The following STK10 variants were observed in gnomAD, a reference collection of about 807,000 sequenced individuals.
STK10 encodes serine/threonine-protein kinase 10.
STK10 carries 78 observed loss-of-function variants against 113.8 expected under a neutral mutation model. The ratio of observed to expected loss-of-function variants is 0.69; its 90% CI spans 0.57 to 0.83. The LOEUF is 0.83. Ranked by LOEUF, STK10 falls within the 40% of genes least tolerant of loss-of-function variation. STK10 has a pLI of 0.00. For synonymous variants in STK10, 465 were observed against 494.7 expected (o/e 0.94, Z 0.80); for missense variants, 1,109 against 1,280.1 (o/e 0.87, Z 2.04).
In STK10 at chr5:172,093,334, C is replaced by T. The variant is rs1459926861; in HGVS notation, c.1554+78G>A. On this transcript the variant is annotated intron_variant, in intron 9 of 18. Transcript: ENST00000176763. The surrounding 1 kb of genome is among the most constrained non-coding windows in gnomAD (Gnocchi z 4.1). ...TAAAATGCAAGGAAGCCCCTAAATG[C>T]TTTTGAAACCAAAATGGAGCCACAG... 2 of 1,481,160 alleles carry T rather than the reference C, an allele frequency of 1.4e-6. No individual in the cohort carries two copies. Among genetic ancestry groups the T allele is most frequent in the African/African-American group, 2.8e-5 (2 of 70,988 alleles). 91.8% of individuals were successfully genotyped at this position (1,481,160 alleles called of 1,614,324 possible). A position where few individuals can be genotyped will look rare whatever the true frequency, so the allele number is the denominator to read the frequency against.
intron 10 of STK10, among the ~76,000 whole-genome samples, chr5:172,087,313 C>T (rs887930062): frequency 2.6e-5 from 4 of 152,070 alleles, no homozygotes; most frequent in Non-Finnish European, 5.9e-5. Flanking sequence ...CTCACCCTGT[C>T]GCCCAGGCTG....
Position 172,048,443 on chromosome 5 carries a change from A to ACACACACACACC in STK10, c.2767-3422_2767-3421insGGTGTGTGTGTG, listed in dbSNP as rs1289593626. Among the ~76,000 whole-genome samples the ACACACACACACC allele has an allele frequency of 2.0e-5, 3 of 151,842 alleles. No homozygotes were observed. The South Asian group carries it at 6.3e-4, about 32-fold the overall frequency. The stretch of plus-strand genomic sequence containing the variant: ...CACACACACACACACACACACACAC[A>ACACACACACACC]CACACACACATCCTCTCTCTATCTT... On this transcript the variant is annotated intron_variant, in intron 18 of 18. Transcript: ENST00000176763.
At chr5:172,175,880 C>T (rs1561836046) in intron 1 of STK10, among the ~76,000 whole-genome samples, 1 of 152,182 alleles carries the variant, frequency 6.6e-6, no homozygotes, top group African/African-American at 2.4e-5. Flanking sequence ...TGGGTCTCTG[C>T]TTCATCAGGT....
chr5:172,048,891 C>T (rs551775639), intron 18 of STK10, among the ~76,000 whole-genome samples: 140 of 152,136 alleles, frequency 9.2e-4, no homozygotes, highest in Admixed American at 1.8e-3. Context: ...TCTCTCCGGC[C>T]GCAGGGGTCT....
At chr5:172,152,860 T>C (rs1387150228) in intron 2 of STK10, among the ~76,000 whole-genome samples, 2 of 152,188 alleles carry the variant, frequency 1.3e-5, no homozygotes, top group African/African-American at 4.8e-5. Flanking sequence ...GTAAAATAGC[T>C]CAATAACTCT....
intron 18 of STK10, 68 bp downstream of exon 18, chr5:172,052,861 T>C: frequency 6.7e-7 from 1 of 1,494,304 alleles, no homozygotes; most frequent in South Asian, 1.1e-5. Context: ...TAACATGTCC[T>C]GGCCAGAGGC....
chr5:172,140,698 A>AAAAT (rs1351960494), intron 2 of STK10, among the ~76,000 whole-genome samples: 2 of 152,192 alleles, frequency 1.3e-5, no homozygotes, highest in African/African-American at 2.4e-5. Flanking sequence ...CTCTGTCTCA[A>AAAAT]AAATAAATAA....
chr5:172,136,700 C>T (rs1242208421), intron 2 of STK10, among the ~76,000 whole-genome samples: 16 of 152,112 alleles, frequency 1.1e-4, no homozygotes, highest in Non-Finnish European at 2.2e-4. Flanking sequence ...ATGTGCCCAC[C>T]TAGGTACAAT....
At chr5:172,068,616 A>G (rs182688265) in intron 12 of STK10, among the ~76,000 whole-genome samples, 1 of 152,346 alleles carries the variant, frequency 6.6e-6, no homozygotes, top group Non-Finnish European at 1.5e-5. Flanking sequence ...ATTTAAAGCA[A>G]AAGTTGTCAC....
chr5:172,174,517 C>A (rs1000901737), intron 1 of STK10, among the ~76,000 whole-genome samples: 1 of 152,282 alleles, frequency 6.6e-6, no homozygotes, highest in East Asian at 1.9e-4. Flanking sequence ...TCCGCGGGCC[C>A]TGTTCCAAAT....
intron 2 of STK10, among the ~76,000 whole-genome samples, chr5:172,144,774 T>C (rs576448044): frequency 4.8e-4 from 73 of 152,260 alleles, no homozygotes; most frequent in African/African-American, 1.8e-3. Flanking sequence ...CCTAAGCGTG[T>C]ACGTGCCATG....
Position 172,083,550 on chromosome 5 carries a change from A to G in STK10, c.1686-466T>C, listed in dbSNP as rs550146635. ...TGGTAATAAGCTTATGTTTTTTGAC[A>G]TAGTAGTTTCCACTTCTGGATACTG... On this transcript the variant is annotated intron_variant, in intron 10 of 18. Transcript: ENST00000176763. 2.0e-4 allele frequency among the ~76,000 whole-genome samples: 31 copies of G among 152,336 alleles called. No individual in the cohort carries two copies. The Middle Eastern group carries it at 0.017, about 84-fold the overall frequency.
At chr5:172,055,876 C>T in intron 15 of STK10, 100 bp from the exon 16 acceptor site, 1 of 959,862 alleles carries the variant, frequency 1.0e-6, no homozygotes, top group Non-Finnish European at 1.4e-6. Context: ...GGGCCCAGGA[C>T]CAACGCAGCC....
chr5:172,117,230 G>C (rs1769406868), intron 4 of STK10, among the ~76,000 whole-genome samples: 3 of 152,138 alleles, frequency 2.0e-5, no homozygotes, highest in Admixed American at 1.3e-4. Context: ...AGTGAGCCAA[G>C]AACGCACCAC....
At chr5:172,048,610 TACCATCCTAGTTCAA>T (rs1767553481) in intron 18 of STK10, among the ~76,000 whole-genome samples, 3 of 110,338 alleles carry the variant, frequency 2.7e-5, no homozygotes, top group Admixed American at 8.0e-5. Context: ...CAACCTCTGA[TACCATCCTAGTTCAA>T]GATACCACCC....
In STK10 at chr5:172,183,070, G is replaced by A. The variant is rs375369286; in HGVS notation, c.156+4817C>T. ...AAAAATTTAAAAATTAGCCAGGTGT[G>A]GTGGCGTGTGCCTGTAGTCCCAGCT... is the stretch of plus-strand genomic sequence containing the variant. On this transcript the variant is annotated intron_variant, in intron 1 of 18. Coordinates refer to ENST00000176763, the MANE Select transcript of STK10 (RefSeq NM_005990.4). Among the ~76,000 whole-genome samples, 11 of 152,170 alleles carry A rather than the reference G, an allele frequency of 7.2e-5. No homozygotes were observed. In the South Asian group the frequency reaches 2.3e-3, roughly 32 times the overall value.
In STK10 at chr5:172,133,141, A is replaced by T. The variant is rs1256107656; in HGVS notation, c.322-5720T>A. On this transcript the variant is annotated intron_variant, in intron 2 of 18. Coordinates refer to ENST00000176763, the MANE Select transcript of STK10 (RefSeq NM_005990.4). This position sits in a 1 kb window ranked among gnomAD's most constrained non-coding sequence, Gnocchi z 4.9. ...TGGGAATCCAGCAGGCTGGAGGTCAATTAGAACTAGAACTTGAACATCTCA... is the reference window on the plus strand; with the variant it reads ...TGGGAATCCAGCAGGCTGGAGGTCATTTAGAACTAGAACTTGAACATCTCA... Among the ~76,000 whole-genome samples, 1 of 152,190 alleles carries T rather than the reference A, an allele frequency of 6.6e-6. No homozygotes were observed. Among genetic ancestry groups the T allele is most frequent in the African/African-American group, 2.4e-5 (1 of 41,456 alleles).
intron 2 of STK10, among the ~76,000 whole-genome samples, chr5:172,130,143 G>T (rs1235727529): frequency 6.6e-6 from 1 of 152,098 alleles, no homozygotes; most frequent in Non-Finnish European, 1.5e-5. Context: ...CATCTGTATG[G>T]CCTTGGACAA....
At chr5:172,047,566 G>C (rs1456196786) in intron 18 of STK10, among the ~76,000 whole-genome samples, 9 of 152,174 alleles carry the variant, frequency 5.9e-5, no homozygotes. Context: ...TGGGATCTTG[G>C]CCAGCTTCCA....
Sources: gnomAD v4.1 joint callset for allele counts (sites outside exome capture counted in the v4.1 genomes callset) on GRCh38, gnomAD v4.1.1 for gene constraint, Gnocchi (gnomAD v3.1) non-coding constraint, MANE v1.5 for transcripts, NCBI Gene and HGNC (gene_info 2026-07-23, HGNC 2026-07-21) for gene names.